The following PTPRT variants were observed in gnomAD, a reference collection of about 807,000 sequenced individuals.
The protein encoded by PTPRT is receptor-type tyrosine-protein phosphatase T.
A neutral mutation model predicts 176.8 loss-of-function variants in PTPRT; 56 were observed. The observed-to-expected ratio is 0.32, with a 90% CI of 0.26 to 0.40. The LOEUF (loss-of-function observed/expected upper bound fraction) is 0.40, where lower values mean the gene tolerates loss of function less well. Among genes scored for constraint, PTPRT ranks in the 10% least tolerant of loss-of-function variants. The probability of loss-of-function intolerance (pLI) is 1.00; values close to 1 mark genes in which losing one functional copy is unlikely to be tolerated. For synonymous variants in PTPRT, 783 were observed against 739.0 expected, an observed-to-expected ratio of 1.06 and a Z score of -0.96; for missense variants, 1,540 against 1,908.2, an observed-to-expected ratio of 0.81 and a Z score of 3.60.
chr20:42,597,865 A>C (rs1314019039), intron 7 of PTPRT, among the ~76,000 whole-genome samples: 1 of 152,240 alleles, frequency 6.6e-6, no homozygotes, highest in African/African-American at 2.4e-5. Flanking sequence ...AAAGAAAGAC[A>C]CAGATCATCA....
At chr20:43,141,318 C>A (rs562429463) in intron 1 of PTPRT, among the ~76,000 whole-genome samples, 99 of 152,144 alleles carry the variant, frequency 6.5e-4, no homozygotes, top group Non-Finnish European at 9.3e-4. Context: ...CTGGTCGTGG[C>A]GAGGCTCAGT....
At chr20:42,271,253 C>T (rs766650634) in intron 13 of PTPRT, among the ~76,000 whole-genome samples, 1 of 152,172 alleles carries the variant, frequency 6.6e-6, no homozygotes, top group Non-Finnish European at 1.5e-5. Flanking sequence ...AGCCCCCCAC[C>T]TTCTTGTATG....
chr20:42,648,820 G>GTTGTTTTTTTTTTTTTTTTTTTTTT (rs1310734163), intron 7 of PTPRT, among the ~76,000 whole-genome samples: 15 of 111,838 alleles, frequency 1.3e-4, no homozygotes, highest in African/African-American at 4.8e-4. Flanking sequence ...TGGTGTCGTT[G>GTTGTTTTTTTTTTTTTTTTTTTTTT]TTTTTTTTTT....
intron 17 of PTPRT, among the ~76,000 whole-genome samples, chr20:42,156,399 A>C (rs1251007359): frequency 6.6e-6 from 1 of 152,226 alleles, no homozygotes. Context: ...GCCTGGTCCT[A>C]GGTCCTTGTC....
chr20:42,846,274 C>T (rs891039429), intron 2 of PTPRT, among the ~76,000 whole-genome samples: 1 of 152,180 alleles, frequency 6.6e-6, no homozygotes. Context: ...AGAGGCATGC[C>T]GGGCTGCAGT....
At chr20:42,648,797 G>C (rs1046059832) in intron 7 of PTPRT, among the ~76,000 whole-genome samples, 1 of 148,054 alleles carries the variant, frequency 6.8e-6, no homozygotes, top group African/African-American at 2.5e-5. Context: ...AAAGGAAAGG[G>C]GATTTTTTTT....
At chr20:42,954,754 G>C (rs760165581) in intron 1 of PTPRT, among the ~76,000 whole-genome samples, 1 of 152,118 alleles carries the variant, frequency 6.6e-6, no homozygotes, top group Non-Finnish European at 1.5e-5. Context: ...AATTTGACCT[G>C]AGCTGAGCAA....
At chr20:42,604,822 C>T (rs766107230) in intron 7 of PTPRT, among the ~76,000 whole-genome samples, 4 of 152,194 alleles carry the variant, frequency 2.6e-5, no homozygotes, top group Non-Finnish European at 4.4e-5. Context: ...GCATGGCCTG[C>T]ACTGGCATGG....
At chr20:42,686,897 A>C (rs2075705914) in intron 6 of PTPRT, among the ~76,000 whole-genome samples, 2 of 152,152 alleles carry the variant, frequency 1.3e-5, no homozygotes, top group Admixed American at 1.3e-4. Flanking sequence ...TCCATGCTAA[A>C]GGATCTGTTT....
intron 12 of PTPRT, among the ~76,000 whole-genome samples, chr20:42,299,683 C>T (rs778330339): frequency 4.6e-5 from 6 of 130,640 alleles, no homozygotes; most frequent in Admixed American, 8.4e-5. Flanking sequence ...GTTTCACTCT[C>T]GTTGCCCAGG....
chr20:42,044,384 C>A, the PTPRT span, among the ~76,000 whole-genome samples: 1 of 152,200 alleles, frequency 6.6e-6, no homozygotes, highest in Non-Finnish European at 1.5e-5. Context: ...CACTCAGGCC[C>A]AGGCTCATTC....
intron 2 of PTPRT, among the ~76,000 whole-genome samples, chr20:42,850,846 C>T (rs1310632940): frequency 6.6e-6 from 1 of 152,146 alleles, no homozygotes; most frequent in Non-Finnish European, 1.5e-5. Context: ...AAAGAGCAGC[C>T]CTTGGACCAG....
chr20:42,227,600 G>GTTTTT (rs10854224), intron 15 of PTPRT, among the ~76,000 whole-genome samples: 4 of 61,886 alleles, frequency 6.5e-5, no homozygotes, highest in South Asian at 8.9e-4. Flanking sequence ...GTCCCTCATT[G>GTTTTT]TTTTTTTTTT....
At chr20:42,200,537 C>A (rs1164930746) in intron 15 of PTPRT, among the ~76,000 whole-genome samples, 3 of 152,106 alleles carry the variant, frequency 2.0e-5, no homozygotes, top group Admixed American at 2.0e-4. Flanking sequence ...GGACTTTGAC[C>A]TCACTGAGGA....
At chr20:42,341,411 G>A (rs2058109355) in intron 11 of PTPRT, among the ~76,000 whole-genome samples, 1 of 151,896 alleles carries the variant, frequency 6.6e-6, no homozygotes, top group Non-Finnish European at 1.5e-5. Flanking sequence ...AGCTCCTGGA[G>A]AAGATTAAAC....
At chr20:42,802,589 T>A (rs565121469) in intron 2 of PTPRT, among the ~76,000 whole-genome samples, 1 of 152,380 alleles carries the variant, frequency 6.6e-6, no homozygotes, top group South Asian at 2.1e-4. Context: ...ACAGCTGTTA[T>A]CCAATTAATC....
intron 19 of PTPRT, among the ~76,000 whole-genome samples, chr20:42,124,856 C>A (rs771008577): frequency 2.6e-5 from 4 of 152,212 alleles, no homozygotes; most frequent in Non-Finnish European, 4.4e-5. Context: ...TTTGTCCCTC[C>A]ATTTCCCCTT....
intron 1 of PTPRT, among the ~76,000 whole-genome samples, chr20:43,051,898 T>C (rs920572197): frequency 6.6e-6 from 1 of 152,040 alleles, no homozygotes; most frequent in Admixed American, 6.6e-5. Flanking sequence ...GGAACCAAAA[T>C]GAAAACAATT....
rs143435342 is a variant in PTPRT at position 43,188,061 on chromosome 20, G to A, written c.88+1585C>T. ...ATTTTTGATCCTGTTTCTGCCGCGG[G>A]AACGTGAGTGGTATTAATGTGTGGT... On this transcript the variant is annotated intron_variant, in intron 1 of 30. Transcript: ENST00000373187. Among the ~76,000 whole-genome samples the A allele has an allele frequency of 1.7e-3, 266 of 152,300 alleles. 2 individuals carry two copies. Among genetic ancestry groups the A allele is most frequent in the African/African-American group, 6.0e-3 (249 of 41,562 alleles).
Sources: gnomAD v4.1 joint callset for allele counts (sites outside exome capture counted in the v4.1 genomes callset) on GRCh38, gnomAD v4.1.1 for gene constraint, MANE v1.5 for transcripts, NCBI Gene and HGNC (gene_info 2026-07-23, HGNC 2026-07-21) for gene names.